Variants in TMOD4 observed in about 807,000 individuals in gnomAD.
TMOD4 encodes the protein tropomodulin-4.
Under a neutral mutation model 45.4 loss-of-function variants are expected in TMOD4, and 34 were observed. The observed-to-expected ratio is 0.75, with a 90% CI of 0.57 to 1.00. The LOEUF is 1.00. Among genes scored for constraint, TMOD4 ranks in the 50% least tolerant of loss-of-function variants. The pLI, the probability that TMOD4 is intolerant of heterozygous loss-of-function variation, is 0.00. For missense variants in TMOD4, 399 were observed against 437.5 expected (o/e 0.91, Z 0.78); for synonymous variants, 131 against 153.9 (o/e 0.85, Z 1.10).
At chr1:151,174,278 G>A in intron 3 of TMOD4, 113 bp downstream of exon 3, 1 of 1,155,962 alleles carries the variant, frequency 8.7e-7, no homozygotes, top group East Asian at 2.4e-5. Flanking sequence ...CAGGGCATCT[G>A]AGTCCCTAGG....
At position 151,174,424 on chromosome 1, in the gene TMOD4, C is replaced by T. The variant is rs587613298; in HGVS notation, c.247G>A (p.Asp83Asn). The T allele has an allele frequency of 8.1e-6, 13 of 1,614,160 alleles. No homozygotes were observed. In the Admixed American group the frequency reaches 1.0e-4, roughly 12 times the overall value. Residue 83 changes from aspartate to asparagine, a missense_variant, in exon 3 of 10, where the codon GAT (aspartate) becomes AAT (asparagine). Physicochemically the swap from Asp to Asn is conservative, Grantham distance 23 (BLOSUM62 1). Transcript: ENST00000295314. ...TCGCCTGTGAAGGGCACCAAGTCAT[C>T]ACGCTCTTTGACTTCTAGTGCCTGT... ...EQQALEVKERDDLVPFTGEKK... is the reference protein window; with the variant it reads ...EQQALEVKERNDLVPFTGEKK...
In TMOD4 at chr1:151,170,958, C is replaced by T; in HGVS notation, c.832G>A (p.Glu278Lys). ...GLMAVLKAVRENATLTELRVD... is the reference protein window; with the variant it reads ...GLMAVLKAVRKNATLTELRVD... ...CGGAGCTCAGTGAGTGTGGCATTTT[C>T]CCGAACTGCCTTCAGCACAGCCATG... Residue 278 changes from glutamate (E) to lysine (K), a missense_variant, in exon 8 of 10, where the codon GAA (glutamate) becomes AAA (lysine). Physicochemically the swap from Glu to Lys is moderately conservative, Grantham distance 56. Coordinates refer to ENST00000295314, the MANE Select transcript of TMOD4 (RefSeq NM_013353.3). 6.2e-7 allele frequency: 1 copy of T among 1,614,136 alleles called. No individual in the cohort carries two copies. Among genetic ancestry groups the T allele is most frequent in the East Asian group, 2.2e-5 (1 of 44,884 alleles).
At chr1:151,172,073 A>T (rs1683977228) in intron 5 of TMOD4, among the ~76,000 whole-genome samples, 195 bp downstream of exon 5, 1 of 151,992 alleles carries the variant, frequency 6.6e-6, no homozygotes, top group African/African-American at 2.4e-5. Flanking sequence ...ACCTCAGGTG[A>T]TCCACCTGCC....
chr1:151,173,265 G>A (rs1242616444), intron 4 of TMOD4, among the ~76,000 whole-genome samples: 7 of 152,020 alleles, frequency 4.6e-5, no homozygotes, highest in Admixed American at 4.6e-4. Flanking sequence ...ATGGTGCCTG[G>A]CCCAATGATT....
chr1:151,171,066 G>C lies in TMOD4; in HGVS notation c.727-3C>G. On this transcript the variant is annotated splice_polypyrimidine_tract_variant and splice_region_variant and intron_variant, in intron 7 of 9. Transcript: ENST00000295314. The stretch of plus-strand genomic sequence containing the variant: ...TCACGCAACATGTCAGCCACTGCCT[G>C]GGTAGTAGGGACTTGGGTTAGGATT... The C allele has an allele frequency of 6.2e-7, 1 of 1,613,958 alleles. No individual in the cohort carries two copies. The highest frequency in any genetic ancestry group is 8.5e-7 in the Non-Finnish European group (1 of 1,179,952).
At chr1:151,172,734 G>C (rs1223132197) in intron 4 of TMOD4, among the ~76,000 whole-genome samples, 1 of 151,996 alleles carries the variant, frequency 6.6e-6, no homozygotes, top group African/African-American at 2.4e-5. Context: ...CCGGGTTCAA[G>C]CAATTCTTCT....
At chr1:151,171,164 GTC>G in intron 7 of TMOD4, 101 bp from the exon 8 acceptor site, 5 of 1,321,824 alleles carry the variant, frequency 3.8e-6, no homozygotes, top group Non-Finnish European at 5.3e-6. Flanking sequence ...TTTGAGAAGA[GTC>G]TTTCAGGTGC....
chr1:151,171,461 G>A lies in TMOD4; in HGVS notation c.698C>T (p.Ala233Val). The change falls in exon 7 of 10, where the codon GCC becomes GTC. Residue 233 changes from alanine to valine, a missense_variant. Physicochemically the swap from Ala to Val is moderately conservative, Grantham distance 64. Transcript: ENST00000295314. ...GGCAATGGGGTCACCACTCCTCGTG[G>A]CTACCAGACTGAAGCTCCGCACATA... ...NTYVRSFSLV[A>V]TRSGDPIANA... is the part of the protein sequence containing the mutation. The A allele has an allele frequency of 6.2e-7, 1 of 1,614,180 alleles. No individual in the cohort carries two copies. The highest frequency in any genetic ancestry group is 8.5e-7 in the Non-Finnish European group (1 of 1,180,030).
chr1:151,174,438 T>C lies in TMOD4; in HGVS notation c.233A>G (p.Glu78Gly). 1.9e-6 allele frequency: 3 copies of C among 1,614,102 alleles called. No homozygotes were observed. ...CACCAAGTCATCACGCTCTTTGACT[T>C]CTAGTGCCTGTTGCTCCAAGTACTG... ...LLQYLEQQALEVKERDDLVPF... is the reference protein window; with the variant it reads ...LLQYLEQQALGVKERDDLVPF... Residue 78 changes from glutamate (E) to glycine (G), a missense_variant, in exon 3 of 10, where the codon GAA (glutamate) becomes GGA (glycine). Transcript: ENST00000295314.
At chr1:151,170,356 A>G (rs1572081774) in intron 9 of TMOD4, 163 bp downstream of exon 9, 2 of 1,097,690 alleles carry the variant, frequency 1.8e-6, no homozygotes, top group South Asian at 1.5e-5. Context: ...GGGCAGGGGG[A>G]GTTTTCTGTT....
At chr1:151,171,188 C>T (rs924980473) in intron 7 of TMOD4, 125 bp from the exon 8 acceptor site, 19 of 1,125,602 alleles carry the variant, frequency 1.7e-5, no homozygotes, top group Non-Finnish European at 2.4e-5. Flanking sequence ...GTAAATGGAG[C>T]TAGAGGGATA....
At chr1:151,174,285 T>C in intron 3 of TMOD4, 106 bp downstream of exon 3, 7 of 1,269,678 alleles carry the variant, frequency 5.5e-6, no homozygotes, top group Non-Finnish European at 6.7e-6. Flanking sequence ...TCTGAGTCCC[T>C]AGGCAACTAG....
At position 151,170,971 on chromosome 1, in the gene TMOD4, C is replaced by G; in HGVS notation, c.819G>C (p.Leu273=). The change falls in exon 8 of 10, where the codon CTG becomes CTC. Residue 273 remains leucine (L), a synonymous_variant. Transcript: ENST00000295314. ...FISSTGLMAV[L]KAVRENATLT... is the part of the protein sequence containing the mutation. The stretch of plus-strand genomic sequence containing the variant: ...GTGTGGCATTTTCCCGAACTGCCTT[C>G]AGCACAGCCATGAGTCCTGTGCTGC... 1 of 1,614,188 alleles carries G rather than the reference C, an allele frequency of 6.2e-7. No individual in the cohort carries two copies. The highest frequency in any genetic ancestry group is 8.5e-7 in the Non-Finnish European group (1 of 1,180,048).
intron 5 of TMOD4, 79 bp from the exon 6 acceptor site, chr1:151,171,842 T>TC (rs1479332043): frequency 3.7e-5 from 54 of 1,476,352 alleles, no homozygotes; most frequent in African/African-American, 1.4e-4. Context: ...TCTTTTCTTT[T>TC]TTTTTTTTTT....
chr1:151,172,966 C>T (rs1270236628), intron 4 of TMOD4, among the ~76,000 whole-genome samples: 6 of 152,132 alleles, frequency 3.9e-5, no homozygotes, highest in Admixed American at 6.5e-5. Context: ...GGACTACAGG[C>T]GCCCACCACC....
chr1:151,171,292 A>T, intron 7 of TMOD4, 141 bp downstream of exon 7: 1 of 833,750 alleles, frequency 1.2e-6, no homozygotes, highest in East Asian at 2.5e-5. Flanking sequence ...GAGCCATAGC[A>T]CTGAAGGTAG....
At chr1:151,173,804 C>T (rs1028090342) in intron 3 of TMOD4, among the ~76,000 whole-genome samples, 189 bp from the exon 4 acceptor site, 8 of 152,164 alleles carry the variant, frequency 5.3e-5, no homozygotes, top group South Asian at 2.1e-4. Flanking sequence ...CGGGGCTGGG[C>T]GCTGTGGCTC....
In TMOD4 at chr1:151,170,078, G is replaced by A. The variant is rs1558207781; in HGVS notation, c.*3C>T. ...GCGCTAGTTGGTAAAGGGAAATGCA[G>A]TGTTATCTCTTCTTTTGCTGGCGAC... On this transcript the variant is annotated 3_prime_UTR_variant, in exon 10 of 10. Coordinates refer to ENST00000295314, the MANE Select transcript of TMOD4 (RefSeq NM_013353.3). 8.7e-6 allele frequency: 14 copies of A among 1,614,040 alleles called. No individual in the cohort carries two copies. The East Asian group carries it at 2.7e-4, about 31-fold the overall frequency.
intron 5 of TMOD4, 34 bp from the exon 6 acceptor site, chr1:151,171,797 T>C: frequency 6.2e-7 from 1 of 1,602,054 alleles, no homozygotes; most frequent in Non-Finnish European, 8.5e-7. Flanking sequence ...AACCCCAACA[T>C]GTTCCCCATA....
Sources: gnomAD v4.1 joint callset for allele counts (sites outside exome capture counted in the v4.1 genomes callset) on GRCh38, gnomAD v4.1.1 for gene constraint, MANE v1.5 for transcripts, NCBI Gene and HGNC (gene_info 2026-07-23, HGNC 2026-07-21) for gene names.